NSUN2: variants seen among roughly 807,000 people sequenced by gnomAD.
NSUN2 encodes the protein RNA cytosine C(5)-methyltransferase NSUN2.
In NSUN2, 63 loss-of-function variants were observed where a neutral mutation model predicts 92.7. That is an observed-to-expected ratio of 0.68 (90% CI 0.56 to 0.84). The LOEUF is 0.84. NSUN2 is among the 40% of genes least tolerant of loss of function. The pLI is 0.00. For synonymous variants in NSUN2, 356 were observed against 348.3 expected (o/e 1.02, Z -0.25); for missense variants, 989 against 964.9 (o/e 1.02, Z -0.33).
At position 6,616,717 on chromosome 5, in the gene NSUN2, G is replaced by C. The variant is rs1579368836; in HGVS notation, c.1021+10C>G. On this transcript the variant is annotated intron_variant, in intron 9 of 18. Coordinates refer to ENST00000264670, the MANE Select transcript of NSUN2 (RefSeq NM_017755.6). Reference sequence around the variant, plus strand: ...ATGCTGTTAATAAAAGATCCATCAAGCGTGCTTACCTTCACTTTTTTCCAG... The same window carrying C: ...ATGCTGTTAATAAAAGATCCATCAACCGTGCTTACCTTCACTTTTTTCCAG... The C allele has an allele frequency of 7.3e-7, 1 of 1,366,766 alleles. No individual in the cohort carries two copies. Among genetic ancestry groups the C allele is most frequent in the African/African-American group, 2.9e-5 (1 of 34,926 alleles). 84.7% of individuals were successfully genotyped at this position (1,366,766 alleles called of 1,614,324 possible).
chr5:6,603,415 G>T (rs1322892168), intron 17 of NSUN2, among the ~76,000 whole-genome samples: 1 of 152,216 alleles, frequency 6.6e-6, no homozygotes, highest in Non-Finnish European at 1.5e-5. Context: ...TTACTGGCTG[G>T]GCGCGGTGGC....
intron 13 of NSUN2, 40 bp from the exon 14 acceptor site, chr5:6,606,952 G>T: frequency 8.1e-7 from 1 of 1,237,298 alleles, no homozygotes; most frequent in Non-Finnish European, 1.2e-6. Context: ...AATCTGTAAT[G>T]TGTGGTAACC....
intron 12 of NSUN2, among the ~76,000 whole-genome samples, chr5:6,608,454 G>A (rs534582836): frequency 3.1e-4 from 47 of 152,296 alleles, no homozygotes; most frequent in African/African-American, 1.0e-3. Flanking sequence ...CTCTACCTGC[G>A]TTCCCAGTAG....
chr5:6,607,850 AAGAG>A (rs1164631295), intron 12 of NSUN2, among the ~76,000 whole-genome samples: 1 of 152,236 alleles, frequency 6.6e-6, no homozygotes, highest in Non-Finnish European at 1.5e-5. Flanking sequence ...AACTGGGAGA[AAGAG>A]AGAGTGCCCC....
chr5:6,609,942 T>C lies in NSUN2; in HGVS notation c.1227-20A>G. Reference sequence around the variant, plus strand: ...CTAAGGCTAAATATATATATATAATTCACACCTCTGAACTAATCAAAAATG... The same window carrying C: ...CTAAGGCTAAATATATATATATAATCCACACCTCTGAACTAATCAAAAATG... On this transcript the variant is annotated intron_variant, in intron 11 of 18. Coordinates refer to ENST00000264670, the MANE Select transcript of NSUN2 (RefSeq NM_017755.6). The C allele has an allele frequency of 6.7e-7, 1 of 1,492,512 alleles. No individual in the cohort carries two copies. Among genetic ancestry groups the C allele is most frequent in the Non-Finnish European group, 9.3e-7 (1 of 1,076,586 alleles). 92.5% of individuals were successfully genotyped at this position (1,492,512 alleles called of 1,614,324 possible).
At chr5:6,609,409 T>G (rs1183868577) in intron 12 of NSUN2, among the ~76,000 whole-genome samples, 6 of 152,174 alleles carry the variant, frequency 3.9e-5, no homozygotes, top group Non-Finnish European at 4.4e-5. Flanking sequence ...CCGTCATCAT[T>G]CCTTGCAGCC....
chr5:6,604,111 T>C, intron 17 of NSUN2, 27 bp downstream of exon 17: 4 of 1,602,380 alleles, frequency 2.5e-6, no homozygotes, highest in Admixed American at 1.7e-5. Flanking sequence ...ATACAAGTTA[T>C]GTCTCTATGC....
In NSUN2 at chr5:6,606,906, A is replaced by G. The variant is rs187802504; in HGVS notation, c.1515T>C (p.Pro505=). 6.4e-7 allele frequency: 1 copy of G among 1,566,150 alleles called. No homozygotes were observed. Among genetic ancestry groups the G allele is most frequent in the African/African-American group, 1.4e-5 (1 of 73,886 alleles). The change falls in exon 14 of 19, where the codon CCT becomes CCC. Residue 505 remains proline (P), a synonymous_variant. Coordinates refer to ENST00000264670, the MANE Select transcript of NSUN2 (RefSeq NM_017755.6). ...GSKKDGVCGP[P]PSKKMKLFGF... ...CAAATAACTTCATTTTCTTTGATGG[A>G]GGAGGACTAAAAAGGGAATCAGGAT...
At chr5:6,620,664 G>C (rs1175090784) in intron 6 of NSUN2, 2 of 158,870 alleles carry the variant, frequency 1.3e-5, no homozygotes, top group Non-Finnish European at 2.8e-5. Context: ...TCAAAATCCT[G>C]AACACAAGCC....
chr5:6,609,548 A>G (rs1442278795), intron 12 of NSUN2, among the ~76,000 whole-genome samples: 1 of 152,188 alleles, frequency 6.6e-6, no homozygotes, highest in Non-Finnish European at 1.5e-5. Flanking sequence ...GCAATCTTTC[A>G]TGTCTTTTCA....
At position 6,633,009 on chromosome 5, in the gene NSUN2, G is replaced by A; in HGVS notation, c.-30C>T. Reference sequence around the variant, plus strand: ...CACGCGGCCGCGCACGCAGCACGCAGAAACCGGCCCGCCACGGCCAGAACT... The same window carrying A: ...CACGCGGCCGCGCACGCAGCACGCAAAAACCGGCCCGCCACGGCCAGAACT... On this transcript the variant is annotated 5_prime_UTR_variant, in exon 1 of 19. Coordinates refer to ENST00000264670, the MANE Select transcript of NSUN2 (RefSeq NM_017755.6). 3 of 1,422,402 alleles carry A rather than the reference G, an allele frequency of 2.1e-6. No individual in the cohort carries two copies. Among genetic ancestry groups the A allele is most frequent in the Non-Finnish European group, 1.8e-6 (2 of 1,099,542 alleles). 88.1% of individuals were successfully genotyped at this position (1,422,402 alleles called of 1,614,324 possible). A position where few individuals can be genotyped will look rare whatever the true frequency, so the allele number is the denominator to read the frequency against.
At chr5:6,610,721 A>G (rs1736953078) in intron 11 of NSUN2, among the ~76,000 whole-genome samples, 1 of 151,532 alleles carries the variant, frequency 6.6e-6, no homozygotes, top group Non-Finnish European at 1.5e-5. Context: ...TACCCTAAGC[A>G]TTACCATTTA....
Position 6,599,905 on chromosome 5 carries a change from C to A in NSUN2, c.*21G>T. On this transcript the variant is annotated 3_prime_UTR_variant, in exon 19 of 19. Transcript: ENST00000264670. ...CAGTTTTGCGTGTGAGGGGTGTGGGCCCCCGCTGCCTTGGGCCTGCTCACC... is the reference window on the plus strand; with the variant it reads ...CAGTTTTGCGTGTGAGGGGTGTGGGACCCCGCTGCCTTGGGCCTGCTCACC... The A allele has an allele frequency of 1.9e-6, 3 of 1,604,054 alleles. No homozygotes were observed. Among genetic ancestry groups the A allele is most frequent in the Non-Finnish European group, 1.7e-6 (2 of 1,175,554 alleles).
intron 6 of NSUN2, chr5:6,621,488 C>T (rs549313): frequency 2.6e-5 from 4 of 152,374 alleles, no homozygotes; most frequent in African/African-American, 4.8e-5. Flanking sequence ...GTGGCTCACA[C>T]CTGTAATCCC....
rs1041996969 is a variant in NSUN2, at chr5:6,616,607, G to A, written c.1021+120C>T. 4 of 168,584 alleles carry A rather than the reference G, an allele frequency of 2.4e-5. 1 individual carries two copies. The highest frequency in any genetic ancestry group is 3.2e-4 in the East Asian group (2 of 6,334). The allele number at this position is 168,584 out of a possible 1,614,324, so 10.4% of individuals were successfully genotyped here. A position where few individuals can be genotyped will look rare whatever the true frequency, so the allele number is the denominator to read the frequency against. Reference sequence around the variant, plus strand: ...GATTAACAATGGGAATATACCTAACGGGACTGAACTGCAGGCTCAAAAATG... The same window carrying A: ...GATTAACAATGGGAATATACCTAACAGGACTGAACTGCAGGCTCAAAAATG... On this transcript the variant is annotated intron_variant, in intron 9 of 18. Coordinates refer to ENST00000264670, the MANE Select transcript of NSUN2 (RefSeq NM_017755.6).
chr5:6,625,968 A>T (rs1462424661), intron 3 of NSUN2, among the ~76,000 whole-genome samples: 5 of 152,170 alleles, frequency 3.3e-5, no homozygotes, highest in Non-Finnish European at 7.3e-5. Context: ...GAAAAAGCGG[A>T]CACTCCTCTG....
rs78919086 is a variant in NSUN2 at position 6,611,960 on chromosome 5, G to A, written c.1022-162C>T. On this transcript the variant is annotated intron_variant, in intron 9 of 18. Coordinates refer to ENST00000264670, the MANE Select transcript of NSUN2 (RefSeq NM_017755.6). ...GACAGAAAGTGGATGAGTGGCCGAC[G>A]GGGTGGATGAGTGGCCGATGGGGCT... is the stretch of plus-strand genomic sequence containing the variant. 3.7e-3 allele frequency among the ~76,000 whole-genome samples: 558 copies of A among 152,294 alleles called. 5 individuals are homozygous for A. Among genetic ancestry groups the A allele is most frequent in the African/African-American group, 0.013 (529 of 41,552 alleles).
intron 9 of NSUN2, among the ~76,000 whole-genome samples, chr5:6,614,924 G>C (rs547331507): frequency 6.6e-6 from 1 of 152,252 alleles, no homozygotes; most frequent in South Asian, 2.1e-4. Flanking sequence ...GAACTCAGGA[G>C]ACCTGGCTTT....
intron 9 of NSUN2, among the ~76,000 whole-genome samples, chr5:6,613,240 A>G (rs908695194): frequency 4.6e-5 from 7 of 152,260 alleles, no homozygotes; most frequent in Non-Finnish European, 7.3e-5. Context: ...ATGTTAGGTG[A>G]AAAAGCAGGG....
Sources: gnomAD v4.1 joint callset for allele counts (sites outside exome capture counted in the v4.1 genomes callset) on GRCh38, gnomAD v4.1.1 for gene constraint, MANE v1.5 for transcripts, NCBI Gene and HGNC (gene_info 2026-07-23, HGNC 2026-07-21) for gene names.